The following DNAAF10 variants were observed in gnomAD, a reference collection of about 807,000 sequenced individuals.
DNAAF10 encodes WD repeat domain 92.
DNAAF10 carries 28 observed loss-of-function variants against 43.7 expected under a neutral mutation model. The ratio of observed to expected loss-of-function variants is 0.64; its 90% CI spans 0.48 to 0.88. The LOEUF (loss-of-function observed/expected upper bound fraction) is 0.88. Among genes scored for constraint, DNAAF10 ranks in the 40% least tolerant of loss-of-function variants. DNAAF10 has a pLI of 0.00. For missense variants in DNAAF10, 403 were observed against 439.1 expected, an observed-to-expected ratio of 0.92 and a Z score of 0.73; for synonymous variants, 156 against 157.3, an observed-to-expected ratio of 0.99 and a Z score of 0.06.
chr2:68,149,940 T>G (rs900638359), intron 1 of DNAAF10, among the ~76,000 whole-genome samples: 7 of 152,202 alleles, frequency 4.6e-5, no homozygotes, highest in Non-Finnish European at 1.0e-4. Flanking sequence ...TTAGAAGCTG[T>G]GAAGAACTTG....
rs370892783 is a variant in DNAAF10, at chr2:68,155,268, G to A, written c.183+1993C>T. Reference sequence around the variant, plus strand: ...GCACTTTGGGAGCCCAAGGCGGGTGGATCACCTAAGGTCAGGAGTTTGAGA... The same window carrying A: ...GCACTTTGGGAGCCCAAGGCGGGTGAATCACCTAAGGTCAGGAGTTTGAGA... On this transcript the variant is annotated intron_variant, in intron 1 of 7. Transcript: ENST00000295121. Among the ~76,000 whole-genome samples, 378 of 152,232 alleles carry A rather than the reference G, an allele frequency of 2.5e-3. 3 individuals carry two copies. The highest frequency in any genetic ancestry group is 8.8e-3 in the African/African-American group (365 of 41,526).
At position 68,147,486 on chromosome 2, in the gene DNAAF10, C is replaced by T. The variant is rs1372340753; in HGVS notation, c.265G>A (p.Gly89Ser). ...QQRYLATGDFGGNLHIWNLEA... is the reference protein window; with the variant it reads ...QQRYLATGDFSGNLHIWNLEA... ...TCTTACCATATATGAAGGTTTCCAC[C>T]AAAATCTCCAGTAGCTAAATATCTC... Residue 89 changes from glycine to serine, a missense_variant, in exon 2 of 8, where the codon GGT becomes AGT. By Grantham distance (56) the Gly-to-Ser change is moderately conservative. Transcript: ENST00000295121. 6.2e-7 allele frequency: 1 copy of T among 1,611,384 alleles called. No homozygotes were observed. The highest frequency in any genetic ancestry group is 8.5e-7 in the Non-Finnish European group (1 of 1,178,834).
intron 7 of DNAAF10, chr2:68,134,200 C>A (rs555358288): frequency 2.0e-6 from 2 of 986,536 alleles, no homozygotes; most frequent in Non-Finnish European, 2.4e-6. Flanking sequence ...GTGATGTTAG[C>A]GCCCTTGGGA....
intron 5 of DNAAF10, among the ~76,000 whole-genome samples, chr2:68,138,365 G>C (rs1673096124): frequency 6.6e-6 from 1 of 152,134 alleles, no homozygotes; most frequent in Non-Finnish European, 1.5e-5. Context: ...TTTGCTAAAG[G>C]TGCACAACTA....
At chr2:68,135,607 G>A (rs1673023420) in intron 6 of DNAAF10, among the ~76,000 whole-genome samples, 1 of 152,214 alleles carries the variant, frequency 6.6e-6, no homozygotes, top group Non-Finnish European at 1.5e-5. Context: ...CTTTGTAGAA[G>A]CAGTGGGGCT....
chr2:68,140,996 T>A (rs1216603577), intron 4 of DNAAF10, among the ~76,000 whole-genome samples: 1 of 152,176 alleles, frequency 6.6e-6, no homozygotes, highest in African/African-American at 2.4e-5. Context: ...AAACCATTCA[T>A]GAGAACTCCG....
intron 6 of DNAAF10, among the ~76,000 whole-genome samples, chr2:68,135,844 G>A (rs1673029939): frequency 6.6e-6 from 1 of 152,134 alleles, no homozygotes; most frequent in Non-Finnish European, 1.5e-5. Flanking sequence ...AAAAGCAAGA[G>A]GGGAAATGAC....
chr2:68,137,761 G>T (rs1313480463), intron 5 of DNAAF10, among the ~76,000 whole-genome samples: 2 of 152,028 alleles, frequency 1.3e-5, no homozygotes, highest in African/African-American at 2.4e-5. Context: ...CAGCTACTTG[G>T]GAGGCTGAGG....
intron 2 of DNAAF10, among the ~76,000 whole-genome samples, chr2:68,146,981 G>A (rs562409647): frequency 6.6e-6 from 1 of 152,188 alleles, no homozygotes; most frequent in East Asian, 1.9e-4. Context: ...TTGTGATTTT[G>A]CCCATTCAAA....
Position 68,130,115 on chromosome 2 carries a change from G to GATATATATATATATATATATATATATAT in DNAAF10, c.*1122_*1123insATATATATATATATATATATATATATAT, listed in dbSNP as rs59876151. The GATATATATATATATATATATATATATAT allele has an allele frequency of 2.3e-5, 3 of 132,946 alleles. No homozygotes were observed. Among genetic ancestry groups the GATATATATATATATATATATATATATAT allele is most frequent in the African/African-American group, 8.8e-5 (3 of 34,262 alleles). 8.2% of individuals were successfully genotyped at this position (132,946 alleles called of 1,614,324 possible). A position where few individuals can be genotyped will look rare whatever the true frequency, so the allele number is the denominator to read the frequency against. The stretch of plus-strand genomic sequence containing the variant: ...CAACCGTGCCGTTTTGAGAGAGAGA[G>GATATATATATATATATATATATATATAT]ATATATATATATATATTTGTTTTTT... On this transcript the variant is annotated 3_prime_UTR_variant, in exon 8 of 8. Transcript: ENST00000295121.
Position 68,137,441 on chromosome 2 carries a change from C to T in DNAAF10, c.634-8G>A, listed in dbSNP as rs778609464. ...AAACTCCAAGCTACACACCTGAAAA[C>T]AGAGAATACTTATTATTGGTAGTCT... On this transcript the variant is annotated splice_region_variant and splice_polypyrimidine_tract_variant and intron_variant, in intron 5 of 7. Transcript: ENST00000295121. The T allele has an allele frequency of 6.2e-7, 1 of 1,605,040 alleles. No homozygotes were observed. Among genetic ancestry groups the T allele is most frequent in the Admixed American group, 1.7e-5 (1 of 58,580 alleles).
intron 5 of DNAAF10, 80 bp from the exon 6 acceptor site, chr2:68,137,513 T>A: frequency 7.9e-7 from 1 of 1,263,398 alleles, no homozygotes; most frequent in African/African-American, 1.5e-5. Context: ...AAAACAGCTT[T>A]AAAATGGTCA....
Position 68,130,933 on chromosome 2 carries a change from TTTG to T in DNAAF10, c.*302_*304del. ...CAAAGTCTTTTTTTTTTTTTTTTTT[TTTG>T]AGACAGTCTTGCTCAGTTGCCCAGG... is the stretch of plus-strand genomic sequence containing the variant. On this transcript the variant is annotated 3_prime_UTR_variant, in exon 8 of 8. Coordinates refer to ENST00000295121, the MANE Select transcript of DNAAF10 (RefSeq NM_138458.4). 2.9e-5 allele frequency: 5 copies of T among 171,898 alleles called. No individual in the cohort carries two copies. The highest frequency in any genetic ancestry group is 1.6e-4 in the South Asian group (1 of 6,138). 10.6% of individuals were successfully genotyped at this position (171,898 alleles called of 1,614,324 possible).
At chr2:68,153,565 C>T (rs918619964) in intron 1 of DNAAF10, among the ~76,000 whole-genome samples, 4 of 151,960 alleles carry the variant, frequency 2.6e-5, no homozygotes, top group Non-Finnish European at 4.4e-5. Flanking sequence ...AGTTGTACTA[C>T]TGTGTCAGAA....
At chr2:68,137,201 C>T (rs887319234) in intron 6 of DNAAF10, 98 bp downstream of exon 6, 54 of 1,372,498 alleles carry the variant, frequency 3.9e-5, no homozygotes, top group Middle Eastern at 2.5e-4. Flanking sequence ...GCTCCCTTCA[C>T]ATAAAGACCT....
At chr2:68,146,267 C>T (rs1673314879) in intron 2 of DNAAF10, among the ~76,000 whole-genome samples, 1 of 151,764 alleles carries the variant, frequency 6.6e-6, no homozygotes, top group Non-Finnish European at 1.5e-5. Flanking sequence ...ATCTCAAAGA[C>T]AAAAAAAATT....
In DNAAF10 at chr2:68,144,618, C is replaced by A; in HGVS notation, c.382G>T (p.Gly128Ter). Reference protein sequence around the residue: ...DGIGGLGIGEGAPEIVTGSRD... With the variant: ...DGIGGLGIGE Reference sequence around the variant, plus strand: ...CTGCCAGTCACAATTTCAGGTGCTCCTTCTCCAATTCCTAGTCCACCTATG... The same window carrying A: ...CTGCCAGTCACAATTTCAGGTGCTCATTCTCCAATTCCTAGTCCACCTATG... Residue 128 changes from glycine (G) to a stop codon, truncating the protein, a stop_gained, in exon 3 of 8, where the codon GGA becomes TGA. Coordinates refer to ENST00000295121, the MANE Select transcript of DNAAF10 (RefSeq NM_138458.4). LOFTEE classifies it high-confidence loss of function. 1 of 1,613,992 alleles carries A rather than the reference C, an allele frequency of 6.2e-7. No homozygotes were observed. The highest frequency in any genetic ancestry group is 8.5e-7 in the Non-Finnish European group (1 of 1,179,984).
intron 6 of DNAAF10, 148 bp downstream of exon 6, chr2:68,137,151 G>A (rs1363518115): frequency 3.5e-6 from 3 of 866,924 alleles, no homozygotes; most frequent in Non-Finnish European, 4.8e-6. Flanking sequence ...TCTTTGCACA[G>A]AAAAACTTGT....
chr2:68,148,411 A>T (rs1172821667), intron 1 of DNAAF10, among the ~76,000 whole-genome samples: 2 of 152,226 alleles, frequency 1.3e-5, no homozygotes, highest in African/African-American at 4.8e-5. Flanking sequence ...CAAAAAGCTA[A>T]CAACTCAAAT....
Sources: allele counts gnomAD v4.1 joint callset (sites outside exome capture counted in the v4.1 genomes callset), GRCh38; gene constraint gnomAD v4.1.1; transcripts MANE v1.5; gene names NCBI Gene and HGNC (gene_info 2026-07-23, HGNC 2026-07-21).